The following SYCP2 variants were observed in gnomAD, a reference collection of about 807,000 sequenced individuals.
The protein encoded by SYCP2 is synaptonemal complex protein 2.
Under a neutral mutation model 211.3 loss-of-function variants are expected in SYCP2, and 55 were observed. The ratio of observed to expected loss-of-function variants is 0.26; its 90% confidence interval spans 0.21 to 0.33. The LOEUF (loss-of-function observed/expected upper bound fraction) is 0.33, where lower values mean the gene tolerates loss of function less well. Ranked by LOEUF, SYCP2 falls within the 10% of genes least tolerant of loss-of-function variation. The pLI is 1.00. For missense variants in SYCP2, 1,731 were observed against 1,752.0 expected (o/e 0.99, Z 0.21); for synonymous variants, 570 against 555.2 (o/e 1.03, Z -0.37).
intron 44 of SYCP2, 49 bp downstream of exon 44, chr20:59,865,339 A>C: frequency 6.9e-7 from 1 of 1,455,784 alleles, no homozygotes; most frequent in Non-Finnish European, 9.4e-7. Context: ...AATCAAAAAC[A>C]AAAGACATTA....
At chr20:59,865,909 T>G in intron 41 of SYCP2, 44 bp from the exon 42 acceptor site, 1 of 872,486 alleles carries the variant, frequency 1.1e-6, no homozygotes, top group Non-Finnish European at 1.7e-6. Flanking sequence ...AATATTTTAG[T>G]CCTAAAATAA....
Position 59,879,913 on chromosome 20 carries a change from C to CA in SYCP2, c.2941+389dup, listed in dbSNP as rs573008500. On this transcript the variant is annotated intron_variant, in intron 31 of 44. Coordinates refer to ENST00000357552, the MANE Select transcript of SYCP2 (RefSeq NM_014258.4). ...AATATATTTATTTTATACACACACA[C>CA]ACAAATGTAAATACATGTAAATATA... Among the ~76,000 whole-genome samples the CA allele has an allele frequency of 7.6e-4, 112 of 147,838 alleles. 2 individuals are homozygous for CA. The Middle Eastern group carries it at 0.018, about 24-fold the overall frequency.
At chr20:59,920,314 T>C (rs2060517524) in intron 5 of SYCP2, 45 bp downstream of exon 5, 4 of 1,457,530 alleles carry the variant, frequency 2.7e-6, no homozygotes, top group Non-Finnish European at 3.7e-6. Context: ...GCATATCTTT[T>C]ATAATATTTC....
intron 2 of SYCP2, among the ~76,000 whole-genome samples, chr20:59,925,875 AG>A (rs2060626014): frequency 6.6e-6 from 1 of 152,058 alleles, no homozygotes; most frequent in African/African-American, 2.4e-5. Context: ...ATTTAGATGA[AG>A]TGAAGCAGAA....
chr20:59,869,992 G>A lies in SYCP2; in HGVS notation c.3556-9C>T. 6.5e-7 allele frequency: 1 copy of A among 1,543,436 alleles called. No individual in the cohort carries two copies. Among genetic ancestry groups the A allele is most frequent in the East Asian group, 2.3e-5 (1 of 43,856 alleles). On this transcript the variant is annotated splice_polypyrimidine_tract_variant and intron_variant, in intron 35 of 44. Coordinates refer to ENST00000357552, the MANE Select transcript of SYCP2 (RefSeq NM_014258.4). ...GTTGGAGTATGTCTGGGCTATGAAT[G>A]AAGACATACAAAAACCCAATAAGAA...
At chr20:59,901,436 A>C (rs960219370) in intron 16 of SYCP2, among the ~76,000 whole-genome samples, 4 of 152,122 alleles carry the variant, frequency 2.6e-5, no homozygotes, top group Non-Finnish European at 5.9e-5. Flanking sequence ...GAAATTCATT[A>C]AATGTTTTGA....
chr20:59,891,900 G>A lies in SYCP2; in HGVS notation c.2364+90C>T. ...AAACAAGGTATTACACATGTTAAAT[G>A]TGTAGCAATTAATCAAGTTTCTTTC... On this transcript the variant is annotated intron_variant, in intron 24 of 44. Transcript: ENST00000357552. The A allele has an allele frequency of 3.5e-6, 4 of 1,130,410 alleles. No homozygotes were observed. In the East Asian group the frequency reaches 9.7e-5, roughly 27 times the overall value. 70.0% of individuals were successfully genotyped at this position (1,130,410 alleles called of 1,614,324 possible). A position where few individuals can be genotyped will look rare whatever the true frequency, so the allele number is the denominator to read the frequency against.
chr20:59,900,555 C>A (rs189647913), intron 17 of SYCP2, among the ~76,000 whole-genome samples, 189 bp downstream of exon 17: 3 of 151,986 alleles, frequency 2.0e-5, no homozygotes, highest in Non-Finnish European at 4.4e-5. Context: ...TTATTAATAA[C>A]CCTACTCTTT....
intron 35 of SYCP2, among the ~76,000 whole-genome samples, chr20:59,872,422 C>T (rs1382965967): frequency 6.6e-6 from 1 of 151,798 alleles, no homozygotes; most frequent in South Asian, 2.1e-4. Context: ...AGTGCTCAAG[C>T]AACCCTTATT....
chr20:59,873,716 T>C (rs772064627), intron 35 of SYCP2, 140 bp downstream of exon 35: 47 of 614,546 alleles, frequency 7.6e-5, no homozygotes, highest in Non-Finnish European at 1.1e-4. Context: ...CTTGTCATTA[T>C]GTCCCTCTCC....
intron 20 of SYCP2, among the ~76,000 whole-genome samples, chr20:59,895,223 T>C (rs534680006): frequency 6.6e-6 from 1 of 152,192 alleles, no homozygotes; most frequent in South Asian, 2.1e-4. Flanking sequence ...AATCAAGTTA[T>C]AGTGAATTAA....
In SYCP2 at chr20:59,925,704, G is replaced by A. The variant is rs533239692; in HGVS notation, c.-46-3245C>T. Among the ~76,000 whole-genome samples the A allele has an allele frequency of 2.6e-5, 4 of 152,064 alleles. No individual in the cohort carries two copies. In the East Asian group the frequency reaches 7.7e-4, roughly 29 times the overall value. ...TTGCCCTGGTAACAAGGTTATAATT[G>A]ACATCTTTGATTCCTAAATGTTTTA... On this transcript the variant is annotated intron_variant, in intron 2 of 44. Transcript: ENST00000357552.
chr20:59,886,878 T>G, intron 24 of SYCP2, 44 bp from the exon 25 acceptor site: 1 of 1,467,832 alleles, frequency 6.8e-7, no homozygotes, highest in Non-Finnish European at 9.1e-7. Flanking sequence ...CCAGTTAATC[T>G]TTAAAGGAAA....
chr20:59,901,749 T>C lies in SYCP2; in HGVS notation c.1095A>G (p.Arg365=). ...AATACAAAAGCAATTCTTTCCCTTC[T>C]CTTTTGCTAATTTTTACTGTATTTT... is the stretch of plus-strand genomic sequence containing the variant. ...ILKNTVKISK[R]EGKELLLYFD... The change falls in exon 16 of 45, where the codon AGA becomes AGG. Residue 365 remains arginine (R), a synonymous_variant. Transcript: ENST00000357552. The C allele has an allele frequency of 6.2e-7, 1 of 1,605,816 alleles. No homozygotes were observed. The highest frequency in any genetic ancestry group is 8.5e-7 in the Non-Finnish European group (1 of 1,175,762).
At chr20:59,911,254 C>T (rs986937496) in intron 14 of SYCP2, among the ~76,000 whole-genome samples, 1 of 152,048 alleles carries the variant, frequency 6.6e-6, no homozygotes, top group African/African-American at 2.4e-5. Context: ...GAAAATATGC[C>T]ACCTATTTGG....
At chr20:59,899,019 CT>C (rs1431053429) in intron 18 of SYCP2, among the ~76,000 whole-genome samples, 1 of 152,084 alleles carries the variant, frequency 6.6e-6, no homozygotes, top group Non-Finnish European at 1.5e-5. Context: ...AATCACAAAA[CT>C]TTTGGAGTAG....
Position 59,867,795 on chromosome 20 carries a change from C to T in SYCP2, c.4041G>A (p.Glu1347=). 4 of 1,609,522 alleles carry T rather than the reference C, an allele frequency of 2.5e-6. No individual in the cohort carries two copies. In the South Asian group the frequency reaches 3.3e-5, roughly 13 times the overall value. ...LSTNDFSIPW[E]TWQNEFAGIE... ...TCCCTGCAAATTCATTTTGCCAGGT[C>T]TCCCAAGGAATAGAAAAGTCATTTG... The change falls in exon 39 of 45, where the codon GAG becomes GAA. Residue 1347 remains glutamate (E), a synonymous_variant. Transcript: ENST00000357552.
intron 15 of SYCP2, 91 bp from the exon 16 acceptor site, chr20:59,901,901 G>T: frequency 9.5e-7 from 1 of 1,052,444 alleles, no homozygotes; most frequent in Admixed American, 2.9e-5. Flanking sequence ...CAGATTAATT[G>T]AATCAAAATT....
At chr20:59,891,688 T>C (rs2059909066) in intron 24 of SYCP2, among the ~76,000 whole-genome samples, 1 of 151,826 alleles carries the variant, frequency 6.6e-6, no homozygotes, top group Admixed American at 6.6e-5. Context: ...TTATAAGAAA[T>C]GTACAAACAG....
Sources: allele counts gnomAD v4.1 joint callset (sites outside exome capture counted in the v4.1 genomes callset), GRCh38; gene constraint gnomAD v4.1.1; transcripts MANE v1.5; gene names NCBI Gene and HGNC (gene_info 2026-07-23, HGNC 2026-07-21).